The following MAEL variants were observed in gnomAD, a reference collection of about 807,000 sequenced individuals.
MAEL encodes protein maelstrom homolog.
Under a neutral mutation model 62.0 loss-of-function variants are expected in MAEL, and 46 were observed. The ratio of observed to expected loss-of-function variants is 0.74; its 90% CI spans 0.59 to 0.95. The LOEUF (loss-of-function observed/expected upper bound fraction) is 0.95. MAEL is among the 40% of genes least tolerant of loss of function. The pLI is 0.00. For missense variants in MAEL, 497 were observed against 526.8 expected (o/e 0.94, Z 0.55); for synonymous variants, 172 against 175.5 (o/e 0.98, Z 0.16).
rs573032213 is a variant in MAEL, at chr1:166,994,887, C to A, written c.523+818C>A. On this transcript the variant is annotated intron_variant, in intron 5 of 11. Transcript: ENST00000367872. ...GTTTCACGATGTTGGCCAGGATGGT[C>A]TCGATCTATTGACCTTGTGATCCGC... is the stretch of plus-strand genomic sequence containing the variant. Among the ~76,000 whole-genome samples, 27 of 150,908 alleles carry A rather than the reference C, an allele frequency of 1.8e-4. No homozygotes were observed. The East Asian group carries it at 5.3e-3, about 29-fold the overall frequency.
intron 10 of MAEL, among the ~76,000 whole-genome samples, chr1:167,019,218 C>T (rs1411542513): frequency 6.6e-6 from 1 of 152,154 alleles, no homozygotes; most frequent in Non-Finnish European, 1.5e-5. Context: ...CTGTTAAGCA[C>T]TCTATCTATA....
chr1:166,987,970 A>T (rs987915219), upstream of MAEL, among the ~76,000 whole-genome samples: 2 of 152,176 alleles, frequency 1.3e-5, no homozygotes, highest in Non-Finnish European at 2.9e-5. Context: ...TATGTTTTTT[A>T]AAAAATAAGC....
At chr1:166,981,569 G>A (rs1431764068) in intron 1 of MAEL, among the ~76,000 whole-genome samples, 1 of 152,082 alleles carries the variant, frequency 6.6e-6, no homozygotes, top group Non-Finnish European at 1.5e-5. Context: ...TACCAAATAT[G>A]GTAGGAAAAT....
At chr1:167,018,001 T>G (rs1282039148) in intron 10 of MAEL, 42 bp downstream of exon 10, 1 of 1,589,098 alleles carries the variant, frequency 6.3e-7, no homozygotes, top group Admixed American at 1.7e-5. Context: ...TCTTTAGCTG[T>G]TCTACTCAAT....
chr1:166,976,629 T>C (rs2102053274), intron 1 of MAEL, among the ~76,000 whole-genome samples: 1 of 151,802 alleles, frequency 6.6e-6, no homozygotes, highest in African/African-American at 2.4e-5. Context: ...GGATCCCTGG[T>C]GGAAAGGGGG....
In MAEL at chr1:167,005,334, C is replaced by T. The variant is rs758058554; in HGVS notation, c.782C>T (p.Pro261Leu). 3.7e-6 allele frequency: 6 copies of T among 1,613,472 alleles called. No homozygotes were observed. The East Asian group carries it at 1.3e-4, about 36-fold the overall frequency. ...TACCAACAAAAATTTCTCAAGGAGC[C>T]CTCTAAGACTTGGATTCGAAGCCTC... ...GIYQQKFLKE[P>L]SKTWIRSLLD... The change falls in exon 8 of 12, where the codon CCC (proline) becomes CTC (leucine). Residue 261 changes from proline to leucine, a missense_variant. Pro to Leu is a moderately conservative substitution (Grantham distance 98). Coordinates refer to ENST00000367872, the MANE Select transcript of MAEL (RefSeq NM_032858.3).
In MAEL at chr1:167,021,779, T is replaced by C; in HGVS notation, c.1229T>C (p.Phe410Ser). 2 of 1,613,070 alleles carry C rather than the reference T, an allele frequency of 1.2e-6. No individual in the cohort carries two copies. Among genetic ancestry groups the C allele is most frequent in the Non-Finnish European group, 1.7e-6 (2 of 1,179,254 alleles). The change falls in exon 12 of 12, where the codon TTC (phenylalanine) becomes TCC (serine). Residue 410 changes from phenylalanine to serine, a missense_variant. Phe to Ser is a radical substitution (Grantham distance 155). Transcript: ENST00000367872. The part of the protein sequence containing the change: ...ISNSSSNIHK[F>S]SNCDTSLSPY... ...AATTCTTCCAGCAATATCCACAAAT[T>C]CTCCAACTGTGACACTTCACTCTCA...
rs367795747 is a variant in MAEL, at chr1:166,999,730, G to T, written c.524-4450G>T. Among the ~76,000 whole-genome samples, 3 of 152,288 alleles carry T rather than the reference G, an allele frequency of 2.0e-5. No individual in the cohort carries two copies. The South Asian group carries it at 6.2e-4, about 32-fold the overall frequency. On this transcript the variant is annotated intron_variant, in intron 5 of 11. Transcript: ENST00000367872. ...TCATAGCTAGAGAGGATAAGTCAGTGCCTGGCTTCACAGGACAGACTGATT... is the reference window on the plus strand; with the variant it reads ...TCATAGCTAGAGAGGATAAGTCAGTTCCTGGCTTCACAGGACAGACTGATT...
chr1:166,989,176 T>C, upstream of MAEL: 1 of 871,598 alleles, frequency 1.1e-6, no homozygotes, highest in Non-Finnish European at 1.7e-6. Flanking sequence ...AGCCGGAATC[T>C]TCCAGTCTCA....
At chr1:166,998,591 C>T (rs1571253591) in intron 5 of MAEL, among the ~76,000 whole-genome samples, 2 of 152,240 alleles carry the variant, frequency 1.3e-5, no homozygotes, top group East Asian at 1.9e-4. Flanking sequence ...TCTAGTGTTT[C>T]GCCAGTGAGT....
chr1:166,995,426 C>A lies in MAEL; in HGVS notation c.523+1357C>A, dbSNP rs181773862. 2.3e-3 allele frequency among the ~76,000 whole-genome samples: 345 copies of A among 151,864 alleles called. 4 individuals carry two copies. The highest frequency in any genetic ancestry group is 7.9e-3 in the African/African-American group (329 of 41,444). On this transcript the variant is annotated intron_variant, in intron 5 of 11. Transcript: ENST00000367872. Reference sequence around the variant, plus strand: ...GGCTACTTTTGTATTTTTTGTAGAGCGGGGGTTTCTCCATGTTGATCAGGC... The same window carrying A: ...GGCTACTTTTGTATTTTTTGTAGAGAGGGGGTTTCTCCATGTTGATCAGGC...
rs1309073628 is a variant in MAEL at position 167,021,105 on chromosome 1, A to G, written c.1062A>G (p.Ser354=). Residue 354 remains serine (S), a synonymous_variant, in exon 11 of 12, where the codon TCA becomes TCG. Transcript: ENST00000367872. ...TACAGAAGCTAAGGGTTGGGAGTTC[A>G]GGATTCTCTCATTTCAACTCTTCTA... ...GRYQKLRVGS[S]GFSHFNSSNE... is the part of the protein sequence containing the mutation. The G allele has an allele frequency of 1.2e-6, 2 of 1,612,338 alleles. No individual in the cohort carries two copies. Among genetic ancestry groups the G allele is most frequent in the Non-Finnish European group, 1.7e-6 (2 of 1,178,760 alleles).
Position 166,989,728 on chromosome 1 carries a change from C to G in MAEL, c.133-9C>G. 2 of 1,612,404 alleles carry G rather than the reference C, an allele frequency of 1.2e-6. No individual in the cohort carries two copies. Among genetic ancestry groups the G allele is most frequent in the Non-Finnish European group, 8.5e-7 (1 of 1,179,238 alleles). ...TGTTTCTCTTCTTTGCTCCTTCAAT[C>G]CCCAAAAGCTTCTGAGGGAGGAAGA... On this transcript the variant is annotated splice_polypyrimidine_tract_variant and intron_variant, in intron 1 of 11. Coordinates refer to ENST00000367872, the MANE Select transcript of MAEL (RefSeq NM_032858.3).
In MAEL at chr1:167,015,195, G is replaced by GT. The variant is rs576199020; in HGVS notation, c.846-1020dup. Among the ~76,000 whole-genome samples, 338 of 152,044 alleles carry GT rather than the reference G, an allele frequency of 2.2e-3. 4 individuals are homozygous for GT. Among genetic ancestry groups the GT allele is most frequent in the African/African-American group, 7.8e-3 (322 of 41,452 alleles). ...GAGTACTATGCCCAGCCAGTTTAGA[G>GT]TTTTTTTGTTTTCTTAATTTTTATT... On this transcript the variant is annotated intron_variant, in intron 8 of 11. Transcript: ENST00000367872.
intron 8 of MAEL, among the ~76,000 whole-genome samples, chr1:167,015,341 A>G (rs757164760): frequency 7.9e-5 from 12 of 152,204 alleles, no homozygotes; most frequent in Non-Finnish European, 1.6e-4. Context: ...ACAGTGGGAA[A>G]TTCTTAATTT....
chr1:166,980,240 G>A (rs755563956), intron 1 of MAEL, among the ~76,000 whole-genome samples: 47 of 151,590 alleles, frequency 3.1e-4, no homozygotes, highest in Non-Finnish European at 5.2e-4. Context: ...TGCCCAGTCT[G>A]GTCTCAAACT....
intron 5 of MAEL, among the ~76,000 whole-genome samples, chr1:166,994,974 A>ATTT (rs944951589): frequency 2.3e-4 from 25 of 110,168 alleles, no homozygotes; most frequent in Non-Finnish European, 3.2e-4. Context: ...CCACCCAGTA[A>ATTT]TTTTTTTTTT....
At chr1:166,975,963 C>T (rs563605389) in intron 1 of MAEL, among the ~76,000 whole-genome samples, 1 of 152,264 alleles carries the variant, frequency 6.6e-6, no homozygotes, top group East Asian at 1.9e-4. Flanking sequence ...CTAGCAAGTC[C>T]TCTAGGCTAG....
intron 1 of MAEL, among the ~76,000 whole-genome samples, chr1:166,981,508 G>A (rs1461856847): frequency 6.6e-6 from 1 of 152,104 alleles, no homozygotes; most frequent in Non-Finnish European, 1.5e-5. Context: ...GAGGGAGGGA[G>A]GCAAATATGT....
Sources: gnomAD v4.1 joint callset for allele counts (sites outside exome capture counted in the v4.1 genomes callset) on GRCh38, gnomAD v4.1.1 for gene constraint, MANE v1.5 for transcripts, NCBI Gene and HGNC (gene_info 2026-07-23, HGNC 2026-07-21) for gene names.